Variants in AHCYL2 observed in about 807,000 individuals in gnomAD.
The protein encoded by AHCYL2 is S-adenosylhomocysteine hydrolase-like protein 2.
A neutral mutation model predicts 81.4 loss-of-function variants in AHCYL2; 28 were observed. The ratio of observed to expected loss-of-function variants is 0.34; its 90% CI spans 0.25 to 0.47. The LOEUF (loss-of-function observed/expected upper bound fraction) is 0.47, where lower values mean the gene tolerates loss of function less well. AHCYL2 is among the 20% of genes least tolerant of loss of function. The pLI, the probability that AHCYL2 is intolerant of heterozygous loss-of-function variation, is 1.00. For missense variants in AHCYL2, 551 were observed against 785.1 expected (o/e 0.70, Z 3.56); for synonymous variants, 272 against 290.2 (o/e 0.94, Z 0.64).
At chr7:129,331,394 T>C (rs1798416184) in intron 1 of AHCYL2, among the ~76,000 whole-genome samples, 1 of 152,176 alleles carries the variant, frequency 6.6e-6, no homozygotes, top group Non-Finnish European at 1.5e-5. Context: ...TATAAATTTA[T>C]AAACAACAAT....
At chr7:129,341,541 AT>A (rs566577962) in intron 1 of AHCYL2, among the ~76,000 whole-genome samples, 28 of 152,322 alleles carry the variant, frequency 1.8e-4, no homozygotes, top group African/African-American at 6.3e-4. Context: ...CTTCGTTAGA[AT>A]TAACTAAAAG....
At chr7:129,257,813 G>A (rs1486178035) in intron 1 of AHCYL2, among the ~76,000 whole-genome samples, 1 of 152,148 alleles carries the variant, frequency 6.6e-6, no homozygotes, top group Non-Finnish European at 1.5e-5. Context: ...GCAGCCTAAG[G>A]ATCTTAGAGA....
intron 1 of AHCYL2, among the ~76,000 whole-genome samples, chr7:129,364,656 T>C (rs1794044119): frequency 6.6e-6 from 1 of 152,226 alleles, no homozygotes; most frequent in African/African-American, 2.4e-5. Context: ...CAATATAATC[T>C]AGTAATTTTC....
At chr7:129,244,737 TG>T (rs1284124880) in intron 1 of AHCYL2, among the ~76,000 whole-genome samples, 1 of 152,188 alleles carries the variant, frequency 6.6e-6, no homozygotes, top group Non-Finnish European at 1.5e-5. Flanking sequence ...ACGAATCTTT[TG>T]GGGGAACACA....
rs1032291915 is a variant in AHCYL2 at position 129,406,705 on chromosome 7, C to T, written c.1295+239C>T. 1.3e-5 allele frequency among the ~76,000 whole-genome samples: 2 copies of T among 152,192 alleles called. No homozygotes were observed. Among genetic ancestry groups the T allele is most frequent in the African/African-American group, 4.8e-5 (2 of 41,444 alleles). ...AACAGGGATTCTGTCAGCCAGAGAA[C>T]AGGTAGCCCCTTACCTTCTCCATGT... On this transcript the variant is annotated intron_variant, in intron 10 of 16. Transcript: ENST00000325006. This position sits in a 1 kb window ranked among gnomAD's most constrained non-coding sequence, Gnocchi z 4.3.
At chr7:129,320,711 C>T (rs979571738) in intron 1 of AHCYL2, among the ~76,000 whole-genome samples, 3 of 152,172 alleles carry the variant, frequency 2.0e-5, no homozygotes, top group African/African-American at 7.2e-5. Context: ...GGTTGTACAA[C>T]CATCAGCATC....
At chr7:129,412,907 C>A (rs1482402183) in intron 11 of AHCYL2, among the ~76,000 whole-genome samples, 2 of 152,108 alleles carry the variant, frequency 1.3e-5, no homozygotes, top group African/African-American at 4.8e-5. Flanking sequence ...GATGCAGTCA[C>A]AGCTCACTGC....
intron 1 of AHCYL2, among the ~76,000 whole-genome samples, chr7:129,256,154 G>A (rs1795412702): frequency 6.6e-6 from 1 of 152,066 alleles, no homozygotes; most frequent in South Asian, 2.1e-4. Flanking sequence ...CCGTCTACCT[G>A]GAAGTCAGTG....
At chr7:129,243,113 C>G (rs1431987899) in intron 1 of AHCYL2, among the ~76,000 whole-genome samples, 1 of 150,752 alleles carries the variant, frequency 6.6e-6, no homozygotes, top group African/African-American at 2.4e-5. Context: ...CTCTGAAGCC[C>G]GAGTTCAAGC....
At position 129,285,696 on chromosome 7, in the gene AHCYL2, C is replaced by CT. The variant is rs71526096; in HGVS notation, c.363+60278dup. On this transcript the variant is annotated intron_variant, in intron 1 of 16. Coordinates refer to ENST00000325006, the MANE Select transcript of AHCYL2 (RefSeq NM_015328.4). ...TCCTCTATTTTCTTTCTCTCTCTCT[C>CT]TTTTTTTTTTTTTTTTTTTTTGAGA... Among the ~76,000 whole-genome samples, 820 of 100,536 alleles carry CT rather than the reference C, an allele frequency of 8.2e-3. 18 individuals carry two copies. Among genetic ancestry groups the CT allele is most frequent in the African/African-American group, 0.029 (783 of 26,770 alleles). 66.0% of individuals were successfully genotyped at this position (100,536 alleles called of 152,430 possible).
At chr7:129,239,175 C>T (rs1315661979) in intron 1 of AHCYL2, among the ~76,000 whole-genome samples, 1 of 152,070 alleles carries the variant, frequency 6.6e-6, no homozygotes, top group Non-Finnish European at 1.5e-5. Flanking sequence ...TCTGGAAAAT[C>T]TATATGGGAG....
intron 1 of AHCYL2, among the ~76,000 whole-genome samples, chr7:129,305,214 C>A (rs187411300): frequency 6.6e-6 from 1 of 152,270 alleles, no homozygotes; most frequent in African/African-American, 2.4e-5. Flanking sequence ...GTAATCCCAG[C>A]ACTTTGGGAG....
chr7:129,380,646 TC>T (rs1176791315), intron 2 of AHCYL2, among the ~76,000 whole-genome samples: 2 of 152,120 alleles, frequency 1.3e-5, no homozygotes, highest in African/African-American at 2.4e-5. Flanking sequence ...CTTTTTACTT[TC>T]CCCCCACAGT....
chr7:129,416,954 C>T (rs1254845483), intron 12 of AHCYL2, among the ~76,000 whole-genome samples: 1 of 151,880 alleles, frequency 6.6e-6, no homozygotes, highest in Non-Finnish European at 1.5e-5. Flanking sequence ...CTCATCTCTA[C>T]AAAAAATAAA....
chr7:129,351,164 C>T (rs1270053764), intron 1 of AHCYL2, among the ~76,000 whole-genome samples: 1 of 151,960 alleles, frequency 6.6e-6, no homozygotes, highest in Non-Finnish European at 1.5e-5. Flanking sequence ...TATTTTAAAA[C>T]AAGTCAAAGA....
Position 129,225,459 on chromosome 7 carries a change from T to C in AHCYL2, c.363+20T>C. ...AAGAAGGTACTGGGGCCGGGCTGCC[T>C]CTCTAGGAGAGGAAGGGAGGGGAGG... is the stretch of plus-strand genomic sequence containing the variant. On this transcript the variant is annotated intron_variant, in intron 1 of 16. Coordinates refer to ENST00000325006, the MANE Select transcript of AHCYL2 (RefSeq NM_015328.4). 1 of 1,489,474 alleles carries C rather than the reference T, an allele frequency of 6.7e-7. No individual in the cohort carries two copies. The highest frequency in any genetic ancestry group is 8.9e-7 in the Non-Finnish European group (1 of 1,125,772). 92.3% of individuals were successfully genotyped at this position (1,489,474 alleles called of 1,614,324 possible).
chr7:129,298,489 C>T (rs951074984), intron 1 of AHCYL2, among the ~76,000 whole-genome samples: 4 of 152,166 alleles, frequency 2.6e-5, no homozygotes, highest in Non-Finnish European at 5.9e-5. Flanking sequence ...CATGAGGACA[C>T]CTGGTTTTTT....
At chr7:129,283,072 G>A (rs930727241) in intron 1 of AHCYL2, among the ~76,000 whole-genome samples, 2 of 152,084 alleles carry the variant, frequency 1.3e-5, no homozygotes, top group African/African-American at 4.8e-5. Flanking sequence ...TGCACTCACT[G>A]GTCAGTACCC....
intron 12 of AHCYL2, among the ~76,000 whole-genome samples, chr7:129,413,952 G>A (rs1283127728): frequency 6.6e-6 from 1 of 152,178 alleles, no homozygotes; most frequent in Non-Finnish European, 1.5e-5. Context: ...GTATGTTTAG[G>A]ATTGAGAGCA....
Sources: allele counts gnomAD v4.1 joint callset (sites outside exome capture counted in the v4.1 genomes callset), GRCh38; gene constraint gnomAD v4.1.1; non-coding constraint Gnocchi (gnomAD v3.1); transcripts MANE v1.5; gene names NCBI Gene and HGNC (gene_info 2026-07-23, HGNC 2026-07-21).